PRPH2: variants seen among roughly 807,000 people sequenced by gnomAD.
PRPH2 encodes peripherin-2.
PRPH2 carries 17 observed loss-of-function variants against 31.3 expected under a neutral mutation model. The ratio of observed to expected loss-of-function variants is 0.54; its 90% CI spans 0.37 to 0.81. The LOEUF (loss-of-function observed/expected upper bound fraction) is 0.81. PRPH2 is among the 40% of genes least tolerant of loss of function. The probability of loss-of-function intolerance (pLI) is 0.00; values close to 1 mark genes in which losing one functional copy is unlikely to be tolerated. For synonymous variants in PRPH2, 165 were observed against 184.4 expected (o/e 0.89, Z 0.85); for missense variants, 430 against 439.7 (o/e 0.98, Z 0.20).
intron 2 of PRPH2, among the ~76,000 whole-genome samples, chr6:42,703,392 C>G (rs434439): frequency 0.52 from 78,578 of 151,920 alleles, 20,486 homozygotes; most frequent in African/African-American, 0.55. Flanking sequence ...GACCAGCATC[C>G]CAAGAAGCAC....
At chr6:42,704,641 G>C (rs1800119677) in intron 1 of PRPH2, 30 bp from the exon 2 acceptor site, 1 of 1,614,080 alleles carries the variant, frequency 6.2e-7, no homozygotes. Flanking sequence ...CTGGAGATGG[G>C]CTTCCCGGGC....
At chr6:42,701,561 C>G (rs369662619) in intron 2 of PRPH2, among the ~76,000 whole-genome samples, 1 of 151,868 alleles carries the variant, frequency 6.6e-6, no homozygotes, top group Non-Finnish European at 1.5e-5. Flanking sequence ...TGTGAGCCAC[C>G]GCTCCTGGCT....
At chr6:42,705,623 T>TATATATATAC (rs1800148802) in intron 1 of PRPH2, among the ~76,000 whole-genome samples, 2 of 125,176 alleles carry the variant, frequency 1.6e-5, no homozygotes, top group South Asian at 5.2e-4. Context: ...TATATATATA[T>TATATATATAC]ATATATATTT....
At chr6:42,704,714 C>T (rs1800121256) in intron 1 of PRPH2, 103 bp from the exon 2 acceptor site, 2 of 1,538,110 alleles carry the variant, frequency 1.3e-6, no homozygotes, top group East Asian at 2.2e-5. Context: ...GTCATTCACT[C>T]GCACACTTGG....
chr6:42,702,559 G>A (rs550520878), intron 2 of PRPH2, among the ~76,000 whole-genome samples: 5 of 56,294 alleles, frequency 8.9e-5, no homozygotes, highest in African/African-American at 3.1e-4. Context: ...TGGCATATGG[G>A]TACATGTTTA....
chr6:42,715,814 A>C (rs920562068), intron 1 of PRPH2, among the ~76,000 whole-genome samples: 2 of 152,022 alleles, frequency 1.3e-5, no homozygotes, highest in African/African-American at 4.8e-5. Flanking sequence ...AATCTCCAAA[A>C]CCTGCCCGCC....
intron 1 of PRPH2, among the ~76,000 whole-genome samples, chr6:42,719,385 A>T (rs1416314968): frequency 6.6e-6 from 1 of 151,946 alleles, no homozygotes; most frequent in Non-Finnish European, 1.5e-5. Flanking sequence ...TATTTTGGTC[A>T]GGCTGGTTTC....
chr6:42,720,756 T>G lies in PRPH2; in HGVS notation c.581+998A>C, dbSNP rs538737836. Among the ~76,000 whole-genome samples the G allele has an allele frequency of 5.3e-5, 8 of 152,040 alleles. No homozygotes were observed. In the East Asian group the frequency reaches 1.2e-3, roughly 22 times the overall value. ...AACTGAACCCCTAACCTCAGCCAGG[T>G]AGGGTCGAGTCAGACAGAAAGAAGA... On this transcript the variant is annotated intron_variant, in intron 1 of 2. Transcript: ENST00000230381.
rs150381599 is a variant in PRPH2 at position 42,704,412 on chromosome 6, G to C, written c.781C>G (p.Leu261Val). The C allele has an allele frequency of 1.2e-6, 2 of 1,610,458 alleles. No homozygotes were observed. The highest frequency in any genetic ancestry group is 1.7e-6 in the Non-Finnish European group (2 of 1,178,548). Residue 261 changes from leucine (L) to valine (V), a missense_variant, in exon 2 of 3, where the codon CTC (leucine) becomes GTC (valine). Leu to Val is a conservative substitution (Grantham distance 32). Transcript: ENST00000230381. Reference sequence around the variant, plus strand: ...GTGACGACACCCATGGAGTTCATGAGGCTGCTGTAGTAGCTCAGCAGGGCA... The same window carrying C: ...GTGACGACACCCATGGAGTTCATGACGCTGCTGTAGTAGCTCAGCAGGGCA... ...RAALLSYYSSLMNSMGVVTLL... is the reference protein window; with the variant it reads ...RAALLSYYSSVMNSMGVVTLL...
chr6:42,711,954 T>C (rs1761657356), intron 1 of PRPH2: 3 of 985,268 alleles, frequency 3.0e-6, no homozygotes, highest in Non-Finnish European at 3.6e-6. Context: ...AAAAGAAGTG[T>C]TGTAAACTGA....
chr6:42,702,587 CGTGT>C (rs1800066426), intron 2 of PRPH2, among the ~76,000 whole-genome samples: 2 of 146,168 alleles, frequency 1.4e-5, no homozygotes, highest in Non-Finnish European at 3.0e-5. Flanking sequence ...TCTCTGACCA[CGTGT>C]GGTGGCTCAC....
At position 42,696,670 on chromosome 6, in the gene PRPH2, C is replaced by A. The variant is rs1483965041; in HGVS notation, c.*1625G>T. The A allele has an allele frequency of 6.6e-6, 1 of 152,188 alleles. No homozygotes were observed. The highest frequency in any genetic ancestry group is 1.5e-5 in the Non-Finnish European group (1 of 68,028). The allele number at this position is 152,188 out of a possible 1,614,324, so 9.4% of individuals were successfully genotyped here. A position where few individuals can be genotyped will look rare whatever the true frequency, so the allele number is the denominator to read the frequency against. ...CATAGTTACACTTGTGGGCCTAGAG[C>A]AGCACTTTCACCGTGGTTCTCAGCA... On this transcript the variant is annotated 3_prime_UTR_variant, in exon 3 of 3. Transcript: ENST00000230381.
chr6:42,714,668 C>A (rs1450528191), intron 1 of PRPH2, among the ~76,000 whole-genome samples: 1 of 152,076 alleles, frequency 6.6e-6, no homozygotes, highest in African/African-American at 2.4e-5. Context: ...AGGCACACAC[C>A]ACCACACCTA....
intron 1 of PRPH2, among the ~76,000 whole-genome samples, chr6:42,712,434 C>A (rs538736258): frequency 6.6e-6 from 1 of 152,236 alleles, no homozygotes; most frequent in South Asian, 2.1e-4. Flanking sequence ...ACAACTAAAG[C>A]CTCTTTATCT....
At chr6:42,709,822 A>G (rs1368927390) in intron 1 of PRPH2, among the ~76,000 whole-genome samples, 2 of 152,080 alleles carry the variant, frequency 1.3e-5, no homozygotes, top group Non-Finnish European at 2.9e-5. Flanking sequence ...TTTCCTGGAA[A>G]ACTGTGTGTT....
intron 1 of PRPH2, among the ~76,000 whole-genome samples, chr6:42,717,569 A>T (rs1303611411): frequency 1.3e-5 from 2 of 152,144 alleles, no homozygotes; most frequent in African/African-American, 2.4e-5. Context: ...AAATAAATAA[A>T]TATAACTTAC....
rs112219312 is a variant in PRPH2, at chr6:42,702,742, C to T, written c.828+1623G>A. 6.3e-4 allele frequency among the ~76,000 whole-genome samples: 96 copies of T among 151,620 alleles called. 4 individuals are homozygous for T. The South Asian group carries it at 0.018, about 29-fold the overall frequency. On this transcript the variant is annotated intron_variant, in intron 2 of 2. Coordinates refer to ENST00000230381, the MANE Select transcript of PRPH2 (RefSeq NM_000322.5). ...AAAACTGGCTAGGCGTGGTGGTGCA[C>T]GCCTGTAATCACAGCTACTTGGGAG...
At chr6:42,701,350 C>T (rs2152004474) in intron 2 of PRPH2, among the ~76,000 whole-genome samples, 1 of 152,192 alleles carries the variant, frequency 6.6e-6, no homozygotes, top group East Asian at 1.9e-4. Flanking sequence ...TTGCAAACTC[C>T]CAACCTCAGG....
intron 1 of PRPH2, chr6:42,711,866 G>A (rs968749853): frequency 7.1e-6 from 7 of 985,254 alleles, no homozygotes; most frequent in Non-Finnish European, 8.4e-6. Context: ...GGTAGTTCCT[G>A]GTTCCAAAAT....
Sources: allele counts gnomAD v4.1 joint callset (sites outside exome capture counted in the v4.1 genomes callset), GRCh38; gene constraint gnomAD v4.1.1; transcripts MANE v1.5; gene names NCBI Gene and HGNC (gene_info 2026-07-23, HGNC 2026-07-21).